The following OSTF1 variants were observed in gnomAD, a reference collection of about 807,000 sequenced individuals.
OSTF1 encodes the protein osteoclast-stimulating factor 1.
OSTF1 carries 27 observed loss-of-function variants against 37.2 expected under a neutral mutation model. That is an observed-to-expected ratio of 0.73 (90% CI 0.54 to 1.00). The LOEUF (loss-of-function observed/expected upper bound fraction) is 1.00, where lower values mean the gene tolerates loss of function less well. Ranked by LOEUF, OSTF1 falls within the 50% of genes least tolerant of loss-of-function variation. The probability of loss-of-function intolerance (pLI) is 0.00; values close to 1 mark genes in which losing one functional copy is unlikely to be tolerated. For synonymous variants in OSTF1, 82 were observed against 89.2 expected, an observed-to-expected ratio of 0.92 and a Z score of 0.46; for missense variants, 232 against 253.8, an observed-to-expected ratio of 0.91 and a Z score of 0.58.
Position 75,128,391 on chromosome 9 carries a change from T to TTGTCC in OSTF1, c.132+772_132+773insTGTCC, listed in dbSNP as rs1177781430. Among the ~76,000 whole-genome samples the TTGTCC allele has an allele frequency of 8.5e-5, 9 of 105,776 alleles. 1 individual carries two copies. The highest frequency in any genetic ancestry group is 2.5e-4 in the African/African-American group (7 of 27,602). 69.4% of individuals were successfully genotyped at this position (105,776 alleles called of 152,430 possible). A position where few individuals can be genotyped will look rare whatever the true frequency, so the allele number is the denominator to read the frequency against. On this transcript the variant is annotated intron_variant, in intron 3 of 9. Coordinates refer to ENST00000346234, the MANE Select transcript of OSTF1 (RefSeq NM_012383.5). Reference sequence around the variant, plus strand: ...ATATATATATATATATATATATATATATATATATATATATATTTTGTCCAT... The same window carrying TTGTCC: ...ATATATATATATATATATATATATATTGTCCATATATATATATATATTTTGTCCAT...
At chr9:75,136,751 C>T (rs73546394) in intron 7 of OSTF1, among the ~76,000 whole-genome samples, 10,470 of 152,210 alleles carry the variant, frequency 0.069, 570 homozygotes, top group African/African-American at 0.15. Context: ...GGCCTGCTGG[C>T]GGTTGGGCTT....
chr9:75,123,422 AAAAAAACAAAAAAAC>A (rs1316876705), intron 2 of OSTF1, among the ~76,000 whole-genome samples: 1 of 152,172 alleles, frequency 6.6e-6, no homozygotes, highest in Non-Finnish European at 1.5e-5. Flanking sequence ...ACTCCGTCTC[AAAAAAACAAAAAAAC>A]AAAAAACAAA....
intron 7 of OSTF1, among the ~76,000 whole-genome samples, chr9:75,135,088 C>G (rs978021157): frequency 6.6e-6 from 1 of 152,174 alleles, no homozygotes; most frequent in African/African-American, 2.4e-5. Context: ...TCCAGGGAAC[C>G]CCTTCCGTTC....
intron 2 of OSTF1, among the ~76,000 whole-genome samples, chr9:75,125,471 A>C (rs1825647058): frequency 6.6e-6 from 1 of 152,234 alleles, no homozygotes; most frequent in Non-Finnish European, 1.5e-5. Flanking sequence ...CAAGCAACAA[A>C]AAAAGTAAAA....
At chr9:75,098,669 A>C (rs1397631657) in intron 1 of OSTF1, among the ~76,000 whole-genome samples, 2 of 152,164 alleles carry the variant, frequency 1.3e-5, no homozygotes, top group African/African-American at 4.8e-5. Flanking sequence ...GATTTTAGAA[A>C]TTCTCTGTGC....
At chr9:75,102,455 G>T (rs1255240204) in intron 1 of OSTF1, among the ~76,000 whole-genome samples, 26 of 152,184 alleles carry the variant, frequency 1.7e-4, no homozygotes, top group Admixed American at 1.7e-3. Flanking sequence ...AAAAATATCA[G>T]AGTGAATCAC....
chr9:75,114,810 T>C (rs1034253293), intron 1 of OSTF1, among the ~76,000 whole-genome samples: 1 of 152,196 alleles, frequency 6.6e-6, no homozygotes, highest in African/African-American at 2.4e-5. Flanking sequence ...TGCCTTGGCC[T>C]CCCAAAGTGC....
intron 3 of OSTF1, among the ~76,000 whole-genome samples, chr9:75,129,810 A>G (rs914904841): frequency 6.6e-6 from 1 of 152,220 alleles, no homozygotes; most frequent in East Asian, 1.9e-4. Flanking sequence ...ATCATATTGT[A>G]TAGCCCTTAT....
chr9:75,091,081 CTTTTTT>C (rs35343834), intron 1 of OSTF1, among the ~76,000 whole-genome samples: 3 of 93,688 alleles, frequency 3.2e-5, no homozygotes, highest in Non-Finnish European at 6.0e-5. Context: ...GAAGTCTGCA[CTTTTTT>C]TTTTTTTTTT....
intron 7 of OSTF1, among the ~76,000 whole-genome samples, chr9:75,136,205 T>C (rs935077919): frequency 6.6e-6 from 1 of 152,196 alleles, no homozygotes; most frequent in Non-Finnish European, 1.5e-5. Flanking sequence ...GTAGTATCTT[T>C]TTCTTGTTTC....
intron 9 of OSTF1, among the ~76,000 whole-genome samples, chr9:75,141,256 G>A (rs1012857410): frequency 1.5e-5 from 2 of 135,598 alleles, no homozygotes; most frequent in Non-Finnish European, 3.0e-5. Flanking sequence ...AGCTGTGATC[G>A]CACCACTGCA....
intron 1 of OSTF1, among the ~76,000 whole-genome samples, chr9:75,116,463 C>T (rs1202981400): frequency 2.0e-5 from 3 of 152,034 alleles, no homozygotes; most frequent in Non-Finnish European, 2.9e-5. Context: ...GATTATAGTC[C>T]GGAGTGTCAT....
chr9:75,108,174 A>G (rs1424276016), intron 1 of OSTF1, among the ~76,000 whole-genome samples: 2 of 152,050 alleles, frequency 1.3e-5, no homozygotes, highest in East Asian at 1.9e-4. Context: ...GCAGTGAGCT[A>G]TGATTGCACC....
At chr9:75,095,884 G>A (rs1199868004) in intron 1 of OSTF1, among the ~76,000 whole-genome samples, 1 of 151,336 alleles carries the variant, frequency 6.6e-6, no homozygotes, top group Non-Finnish European at 1.5e-5. Flanking sequence ...TGGTGTGACT[G>A]CTGTGGCCCC....
chr9:75,094,673 A>T (rs554783175), intron 1 of OSTF1, among the ~76,000 whole-genome samples: 267 of 152,242 alleles, frequency 1.8e-3, no homozygotes, highest in Non-Finnish European at 3.2e-3. Flanking sequence ...TTAAAAAAAA[A>T]ATGATACAGG....
intron 4 of OSTF1, among the ~76,000 whole-genome samples, chr9:75,131,330 C>T (rs1026667500): frequency 2.6e-5 from 4 of 152,172 alleles, no homozygotes; most frequent in African/African-American, 7.2e-5. Context: ...TCCCCTCATC[C>T]GATCCTACAT....
intron 1 of OSTF1, among the ~76,000 whole-genome samples, chr9:75,104,081 A>C (rs1221272585): frequency 6.6e-6 from 1 of 152,024 alleles, no homozygotes; most frequent in Non-Finnish European, 1.5e-5. Context: ...TACAAAACAA[A>C]AAAAAAAGTA....
chr9:75,139,027 CTTCTTTCTTTCT>C (rs201231543), intron 8 of OSTF1, among the ~76,000 whole-genome samples: 30 of 120,502 alleles, frequency 2.5e-4, no homozygotes, highest in Non-Finnish European at 4.1e-4. Flanking sequence ...TTTGGGGACA[CTTCTTTCTTTCT>C]TTCTTTCTTT....
chr9:75,113,410 A>G (rs904525866), intron 1 of OSTF1, among the ~76,000 whole-genome samples: 3 of 149,160 alleles, frequency 2.0e-5, no homozygotes, highest in Admixed American at 6.7e-5. Flanking sequence ...ATTCTATGTC[A>G]GTGTCTGTGG....
Sources: allele counts gnomAD v4.1 joint callset (sites outside exome capture counted in the v4.1 genomes callset), GRCh38; gene constraint gnomAD v4.1.1; transcripts MANE v1.5; gene names NCBI Gene and HGNC (gene_info 2026-07-23, HGNC 2026-07-21).